Variants in FRAS1 observed in about 807,000 individuals in gnomAD.
FRAS1 encodes the protein Fraser extracellular matrix complex subunit 1.
In FRAS1, 290 loss-of-function variants were observed where a neutral mutation model predicts 435.2. The observed-to-expected ratio is 0.67, with a 90% CI of 0.61 to 0.73. The LOEUF (loss-of-function observed/expected upper bound fraction) is 0.73, where lower values mean the gene tolerates loss of function less well. FRAS1 is among the 30% of genes least tolerant of loss of function. The pLI is 0.00. For missense variants in FRAS1, 4,860 were observed against 5,001.5 expected, an observed-to-expected ratio of 0.97 and a Z score of 0.85; for synonymous variants, 1,800 against 1,851.0, an observed-to-expected ratio of 0.97 and a Z score of 0.71.
At chr4:78,523,405 A>G (rs1721446886) in intron 69 of FRAS1, among the ~76,000 whole-genome samples, 1 of 152,172 alleles carries the variant, frequency 6.6e-6, no homozygotes, top group African/African-American at 2.4e-5. Flanking sequence ...TACAAGATTT[A>G]TTCCTCTCCC....
chr4:78,317,669 G>T (rs538113372), intron 17 of FRAS1, among the ~76,000 whole-genome samples, 161 bp downstream of exon 17: 2 of 152,186 alleles, frequency 1.3e-5, no homozygotes, highest in East Asian at 3.9e-4. Context: ...TTTTGCAAAG[G>T]GTTAATCTGA....
At chr4:78,387,952 A>G (rs1732287798) in intron 29 of FRAS1, among the ~76,000 whole-genome samples, 1 of 152,152 alleles carries the variant, frequency 6.6e-6, no homozygotes, top group Admixed American at 6.5e-5. Flanking sequence ...AGAACGTGTT[A>G]TTATCCACTA....
At chr4:78,304,873 CT>C (rs1728624371) in intron 14 of FRAS1, among the ~76,000 whole-genome samples, 1 of 151,730 alleles carries the variant, frequency 6.6e-6, no homozygotes, top group East Asian at 1.9e-4. Flanking sequence ...CAGTTCTGCT[CT>C]GATTTTAGTT....
chr4:78,257,376 A>G (rs912919406), intron 6 of FRAS1, among the ~76,000 whole-genome samples: 1 of 152,156 alleles, frequency 6.6e-6, no homozygotes, highest in Non-Finnish European at 1.5e-5. Context: ...AATAATAACC[A>G]TAATAATGAT....
intron 3 of FRAS1, among the ~76,000 whole-genome samples, chr4:78,239,847 T>A (rs758541253): frequency 1.3e-5 from 2 of 152,208 alleles, no homozygotes; most frequent in Non-Finnish European, 2.9e-5. Flanking sequence ...GATCTTTTAC[T>A]TCAAGTCTTG....
intron 2 of FRAS1, among the ~76,000 whole-genome samples, chr4:78,159,814 G>A (rs1219442918): frequency 6.6e-6 from 1 of 152,220 alleles, no homozygotes; most frequent in Non-Finnish European, 1.5e-5. Context: ...CCGGGAGGCA[G>A]AGGTTGTGGT....
chr4:78,311,934 T>C (rs920889091), intron 15 of FRAS1, among the ~76,000 whole-genome samples: 2 of 152,112 alleles, frequency 1.3e-5, no homozygotes, highest in African/African-American at 4.8e-5. Context: ...TTATGGAGTT[T>C]CCTTGTATGT....
chr4:78,333,366 C>G lies in FRAS1; in HGVS notation c.2232C>G (p.Leu744=), dbSNP rs1730020544. ...ATGTGCTGTTGGATGGGCAGTGCCTCTCCCAGTGCCCAGATGGCTACTTTC... is the reference window on the plus strand; with the variant it reads ...ATGTGCTGTTGGATGGGCAGTGCCTGTCCCAGTGCCCAGATGGCTACTTTC... ...PSHVLLDGQC[L]SQCPDGYFHQ... Residue 744 remains leucine (L), a synonymous_variant, in exon 19 of 74, where the codon CTC becomes CTG. Coordinates refer to ENST00000512123, the MANE Select transcript of FRAS1 (RefSeq NM_025074.7). The G allele has an allele frequency of 2.5e-6, 4 of 1,612,076 alleles. No individual in the cohort carries two copies. The highest frequency in any genetic ancestry group is 2.5e-6 in the Non-Finnish European group (3 of 1,179,122).
At chr4:78,372,573 A>C in intron 23 of FRAS1, 145 bp from the exon 24 acceptor site, 1 of 924,728 alleles carries the variant, frequency 1.1e-6, no homozygotes, top group South Asian at 1.5e-5. Context: ...TACAAGTGGA[A>C]ACCTCATTTG....
chr4:78,103,079 G>C (rs1419675422), intron 2 of FRAS1, among the ~76,000 whole-genome samples: 1 of 152,242 alleles, frequency 6.6e-6, no homozygotes, highest in East Asian at 1.9e-4. Flanking sequence ...ACAAGTAAGA[G>C]CATCTTGGCC....
At chr4:78,432,751 G>A in intron 38 of FRAS1, 147 bp downstream of exon 38, 1 of 860,656 alleles carries the variant, frequency 1.2e-6, no homozygotes, top group Non-Finnish European at 1.7e-6. Context: ...ACCTTCTACT[G>A]TTAGGAGTAG....
intron 30 of FRAS1, among the ~76,000 whole-genome samples, chr4:78,404,829 C>G (rs534426148): frequency 9.9e-5 from 15 of 152,176 alleles, no homozygotes; most frequent in Admixed American, 2.6e-4. Context: ...GTTGTTACCA[C>G]TTTTATAGAA....
At chr4:78,193,957 G>T (rs897571277) in intron 2 of FRAS1, among the ~76,000 whole-genome samples, 2 of 152,112 alleles carry the variant, frequency 1.3e-5, no homozygotes, top group Non-Finnish European at 2.9e-5. Flanking sequence ...GCTCCTTTAG[G>T]GCAGGCCTGG....
chr4:78,102,522 C>T (rs2109921525), intron 2 of FRAS1, among the ~76,000 whole-genome samples: 1 of 152,254 alleles, frequency 6.6e-6, no homozygotes, highest in African/African-American at 2.4e-5. Flanking sequence ...CCACAAATTC[C>T]CCTTAATTTT....
intron 2 of FRAS1, among the ~76,000 whole-genome samples, chr4:78,203,846 G>A (rs966476761): frequency 1.3e-5 from 2 of 152,200 alleles, no homozygotes; most frequent in Non-Finnish European, 2.9e-5. Flanking sequence ...GGGATTACAG[G>A]CGTGAGCCAC....
chr4:78,240,240 A>G (rs1724944040), intron 3 of FRAS1, among the ~76,000 whole-genome samples: 1 of 152,186 alleles, frequency 6.6e-6, no homozygotes, highest in Non-Finnish European at 1.5e-5. Context: ...GAAAAAAAGT[A>G]TCTCTGGTTT....
intron 31 of FRAS1, among the ~76,000 whole-genome samples, chr4:78,411,354 C>T (rs61186152): frequency 0.017 from 2,517 of 152,128 alleles, 64 homozygotes; most frequent in African/African-American, 0.053. Context: ...TCAAGTGATC[C>T]GCCCACCTCG....
chr4:78,149,531 T>A (rs573989153), intron 2 of FRAS1, among the ~76,000 whole-genome samples: 1 of 152,320 alleles, frequency 6.6e-6, no homozygotes, highest in South Asian at 2.1e-4. Flanking sequence ...AACACATCCA[T>A]ATATGTATAC....
rs1200891191 is a variant in FRAS1, at chr4:78,483,775, T to A, written c.8752+1240T>A. On this transcript the variant is annotated intron_variant, in intron 58 of 73. Coordinates refer to ENST00000512123, the MANE Select transcript of FRAS1 (RefSeq NM_025074.7). ...TTCAGGAGAAAAAAAAAACTCTCTCTCTCTCTCTATATATATATATATAAA... is the reference window on the plus strand; with the variant it reads ...TTCAGGAGAAAAAAAAAACTCTCTCACTCTCTCTATATATATATATATAAA... 1.4e-3 allele frequency among the ~76,000 whole-genome samples: 64 copies of A among 46,768 alleles called. 2 individuals carry two copies. The highest frequency in any genetic ancestry group is 3.9e-3 in the African/African-American group (62 of 16,012). 30.7% of individuals were successfully genotyped at this position (46,768 alleles called of 152,430 possible).
Sources: gnomAD v4.1 joint callset for allele counts (sites outside exome capture counted in the v4.1 genomes callset) on GRCh38, gnomAD v4.1.1 for gene constraint, MANE v1.5 for transcripts, NCBI Gene and HGNC (gene_info 2026-07-23, HGNC 2026-07-21) for gene names.